NSUN6: variants seen among roughly 807,000 people sequenced by gnomAD.
The protein encoded by NSUN6 is tRNA (cytosine(72)-C(5))-methyltransferase NSUN6.
Under a neutral mutation model 58.0 loss-of-function variants are expected in NSUN6, and 64 were observed. The ratio of observed to expected loss-of-function variants is 1.10; its 90% CI spans 0.90 to 1.36. The LOEUF is 1.36. Among genes scored for constraint, NSUN6 ranks in the 40% most tolerant of loss-of-function variants. The pLI, the probability that NSUN6 is intolerant of heterozygous loss-of-function variation, is 0.00. For synonymous variants in NSUN6, 231 were observed against 193.9 expected, an observed-to-expected ratio of 1.19 and a Z score of -1.59; for missense variants, 701 against 550.1, an observed-to-expected ratio of 1.27 and a Z score of -2.74.
At chr10:18,613,103 T>C (rs1269898673) in intron 5 of NSUN6, among the ~76,000 whole-genome samples, 7 of 152,122 alleles carry the variant, frequency 4.6e-5, no homozygotes, top group Non-Finnish European at 8.8e-5. Flanking sequence ...AAACCAATTT[T>C]TTTTTCTTTT....
At chr10:18,600,487 T>C (rs969923651) in intron 6 of NSUN6, among the ~76,000 whole-genome samples, 1 of 152,118 alleles carries the variant, frequency 6.6e-6, no homozygotes, top group East Asian at 1.9e-4. Context: ...TGGCTTCACA[T>C]AGTACTGTGT....
At chr10:18,603,478 C>T (rs12416205) in intron 6 of NSUN6, among the ~76,000 whole-genome samples, 75,672 of 147,282 alleles carry the variant, frequency 0.51, 19,942 homozygotes, top group East Asian at 0.97. Context: ...CTTTTCTTTT[C>T]TTTTTTTTTG....
At position 18,546,083 on chromosome 10, in the gene NSUN6, C is replaced by T; in HGVS notation, c.1260G>A (p.Gln420=). ...GAGLSCEQLK[Q]LQRFDPSAVP... is the part of the protein sequence containing the mutation. ...CAGCCGATGGATCAAATCGCTGCAG[C>T]TGTTTCAACTGTTCACATGAGAGCC... Residue 420 remains glutamine, a synonymous_variant, in exon 11 of 11, where the codon CAG becomes CAA. Coordinates refer to ENST00000377304, the MANE Select transcript of NSUN6 (RefSeq NM_182543.5). 1.2e-6 allele frequency: 2 copies of T among 1,610,418 alleles called. No individual in the cohort carries two copies. Among genetic ancestry groups the T allele is most frequent in the Non-Finnish European group, 1.7e-6 (2 of 1,178,632 alleles).
At chr10:18,579,253 A>G (rs1343228845) in intron 8 of NSUN6, among the ~76,000 whole-genome samples, 1 of 152,072 alleles carries the variant, frequency 6.6e-6, no homozygotes, top group Non-Finnish European at 1.5e-5. Flanking sequence ...GCTCACTGCA[A>G]GCTCTGCCTC....
At chr10:18,578,474 G>A (rs1277523734) in intron 8 of NSUN6, among the ~76,000 whole-genome samples, 2 of 152,014 alleles carry the variant, frequency 1.3e-5, no homozygotes, top group East Asian at 3.9e-4. Context: ...AAGCCTTTCG[G>A]TTGTGGTAGG....
In NSUN6 at chr10:18,578,634, C is replaced by T. The variant is rs539301810; in HGVS notation, c.922+7315G>A. On this transcript the variant is annotated intron_variant, in intron 8 of 10. Transcript: ENST00000377304. ...ACTGTTGGTTTATATTCTCTCTCTC[C>T]GGCATAAATTTGTACTAAATTCTCT... 5.9e-5 allele frequency among the ~76,000 whole-genome samples: 9 copies of T among 152,228 alleles called. No homozygotes were observed. The South Asian group carries it at 6.2e-4, about 11-fold the overall frequency.
At chr10:18,597,574 A>G (rs1345254452) in intron 6 of NSUN6, among the ~76,000 whole-genome samples, 1 of 152,164 alleles carries the variant, frequency 6.6e-6, no homozygotes, top group Non-Finnish European at 1.5e-5. Flanking sequence ...GTTTGAGACC[A>G]GCCTGACCAA....
At position 18,642,740 on chromosome 10, in the gene NSUN6, A is replaced by T. The variant is rs186177994; in HGVS notation, c.232-185T>A. ...AAAACAACAATGTTTTCTCTATTTT[A>T]ATTCTGAAGTATCCTAACTTCCTTA... On this transcript the variant is annotated intron_variant, in intron 2 of 10. Transcript: ENST00000377304. 1.8e-3 allele frequency among the ~76,000 whole-genome samples: 270 copies of T among 152,278 alleles called. 3 individuals carry two copies. Among genetic ancestry groups the T allele is most frequent in the African/African-American group, 6.3e-3 (262 of 41,574 alleles).
Position 18,586,059 on chromosome 10 carries a change from T to C in NSUN6, c.812A>G (p.Lys271Arg). The C allele has an allele frequency of 1.2e-6, 2 of 1,608,910 alleles. No individual in the cohort carries two copies. The highest frequency in any genetic ancestry group is 1.1e-5 in the South Asian group (1 of 89,822). ...EVIALDKIFN[K>R]VEKIKQNALL... ...GGCATTCTGTTTGATTTTTTCTACT[T>C]TGTTGAAGATTTTATCCAGTGCTAT... The change falls in exon 8 of 11, where the codon AAA (lysine) becomes AGA (arginine). Residue 271 changes from lysine (K) to arginine (R), a missense_variant. Physicochemically the swap from Lys to Arg is conservative, Grantham distance 26. Coordinates refer to ENST00000377304, the MANE Select transcript of NSUN6 (RefSeq NM_182543.5).
intron 3 of NSUN6, among the ~76,000 whole-genome samples, chr10:18,618,553 A>G (rs1254873516): frequency 6.6e-6 from 1 of 151,962 alleles, no homozygotes; most frequent in East Asian, 1.9e-4. Flanking sequence ...ATGGTGGCGC[A>G]TGCCTGTAAT....
At position 18,639,974 on chromosome 10, in the gene NSUN6, C is replaced by T. The variant is rs190617066; in HGVS notation, c.311+2502G>A. Among the ~76,000 whole-genome samples the T allele has an allele frequency of 5.1e-3, 774 of 152,260 alleles. 4 individuals are homozygous for T. Among genetic ancestry groups the T allele is most frequent in the African/African-American group, 0.016 (649 of 41,530 alleles). On this transcript the variant is annotated intron_variant, in intron 3 of 10. Coordinates refer to ENST00000377304, the MANE Select transcript of NSUN6 (RefSeq NM_182543.5). ...ATGCTTATGCAAGTACACAAATATT[C>T]ACTCTAACACCTCTCGTAACAATGA...
intron 8 of NSUN6, among the ~76,000 whole-genome samples, chr10:18,572,797 C>G (rs1044663989): frequency 6.6e-6 from 1 of 151,262 alleles, no homozygotes; most frequent in Non-Finnish European, 1.5e-5. Flanking sequence ...CCATTCCATT[C>G]CATACTCCAT....
intron 8 of NSUN6, among the ~76,000 whole-genome samples, chr10:18,559,226 A>T (rs1329042438): frequency 6.6e-6 from 1 of 151,386 alleles, no homozygotes; most frequent in Non-Finnish European, 1.5e-5. Flanking sequence ...GGTGAATGCA[A>T]TGGAATGGGG....
chr10:18,624,573 C>G (rs1395373599), intron 3 of NSUN6, among the ~76,000 whole-genome samples: 4 of 139,544 alleles, frequency 2.9e-5, no homozygotes, highest in Non-Finnish European at 4.5e-5. Flanking sequence ...ATGGCGTAGA[C>G]CCGGGATGTA....
chr10:18,605,374 A>G (rs1247461706), intron 6 of NSUN6, among the ~76,000 whole-genome samples: 1 of 152,174 alleles, frequency 6.6e-6, no homozygotes, highest in African/African-American at 2.4e-5. Flanking sequence ...TTAATAAGTA[A>G]GTAAATAAAA....
At chr10:18,643,957 A>G (rs2059464050) in intron 2 of NSUN6, among the ~76,000 whole-genome samples, 1 of 152,150 alleles carries the variant, frequency 6.6e-6, no homozygotes, top group South Asian at 2.1e-4. Context: ...TTTTTTCCAA[A>G]CCAAGTATAT....
intron 3 of NSUN6, among the ~76,000 whole-genome samples, chr10:18,633,246 G>A (rs2059100304): frequency 6.7e-6 from 1 of 149,068 alleles, no homozygotes; most frequent in Admixed American, 6.7e-5. Context: ...TCACACTCTG[G>A]GGTCTGTTGT....
rs185423412 is a variant in NSUN6 at position 18,624,506 on chromosome 10, A to G, written c.312-8213T>C. On this transcript the variant is annotated intron_variant, in intron 3 of 10. Transcript: ENST00000377304. ...CTGGCTAAAAAAATACAAAAAAAAA[A>G]TTAGCCGGGCATGGTGGCAGGTACC... Among the ~76,000 whole-genome samples the G allele has an allele frequency of 8.2e-4, 124 of 151,672 alleles. 2 individuals carry two copies. Among genetic ancestry groups the G allele is most frequent in the African/African-American group, 2.8e-3 (116 of 41,342 alleles).
chr10:18,637,311 T>A (rs919869482), intron 3 of NSUN6, among the ~76,000 whole-genome samples: 2 of 152,172 alleles, frequency 1.3e-5, no homozygotes, highest in African/African-American at 2.4e-5. Flanking sequence ...TCCTAAATAA[T>A]TTTTTCAAGC....
Sources: gnomAD v4.1 joint callset for allele counts (sites outside exome capture counted in the v4.1 genomes callset) on GRCh38, gnomAD v4.1.1 for gene constraint, MANE v1.5 for transcripts, NCBI Gene and HGNC (gene_info 2026-07-23, HGNC 2026-07-21) for gene names.